The following SULT2B1 variants were observed in gnomAD, a reference collection of about 807,000 sequenced individuals.
The protein encoded by SULT2B1 is sulfotransferase 2B1.
A neutral mutation model predicts 33.2 loss-of-function variants in SULT2B1; 16 were observed. The observed-to-expected ratio is 0.48, with a 90% CI of 0.33 to 0.73. SULT2B1 has a LOEUF of 0.73. SULT2B1 is among the 30% of genes least tolerant of loss of function. The probability of loss-of-function intolerance (pLI) is 0.02; values close to 1 mark genes in which losing one functional copy is unlikely to be tolerated. For missense variants in SULT2B1, 500 were observed against 506.0 expected, an observed-to-expected ratio of 0.99 and a Z score of 0.11; for synonymous variants, 186 against 200.5, an observed-to-expected ratio of 0.93 and a Z score of 0.61.
chr19:48,563,331 C>T (rs1288552232), intron 1 of SULT2B1, among the ~76,000 whole-genome samples: 1 of 152,116 alleles, frequency 6.6e-6, no homozygotes, highest in African/African-American at 2.4e-5. Flanking sequence ...ATGAGAACGC[C>T]GGTTCCCACA....
At chr19:48,596,713 C>A in intron 5 of SULT2B1, 26 bp from the exon 6 acceptor site, 1 of 1,573,162 alleles carries the variant, frequency 6.4e-7, no homozygotes, top group East Asian at 2.3e-5. Context: ...GCCCTCCCTC[C>A]GCTGACCCCT....
intron 1 of SULT2B1, among the ~76,000 whole-genome samples, chr19:48,568,526 G>A (rs951223104): frequency 2.0e-5 from 3 of 152,154 alleles, no homozygotes; most frequent in Non-Finnish European, 2.9e-5. Flanking sequence ...CCACGGCCAA[G>A]GGTGAGTCAT....
In SULT2B1 at chr19:48,599,274, G is replaced by T. The variant is rs757113850; in HGVS notation, c.966G>T (p.Glu322Asp). Reference protein sequence around the residue: ...DPEEDGSPDPEPSPEPEPKPS... With the variant: ...DPEEDGSPDPDPSPEPEPKPS... ...AGGAGGACGGCAGCCCAGATCCTGAGCCCAGCCCTGAGCCTGAGCCCAAGC... is the reference window on the plus strand; with the variant it reads ...AGGAGGACGGCAGCCCAGATCCTGATCCCAGCCCTGAGCCTGAGCCCAAGC... The change falls in exon 7 of 7, where the codon GAG (glutamate) becomes GAT (aspartate). Residue 322 changes from glutamate to aspartate, a missense_variant. Glu to Asp is a conservative substitution (Grantham distance 45). Transcript: ENST00000201586. This position sits in a 1 kb window ranked among gnomAD's most constrained non-coding sequence, Gnocchi z 4.1. 2 of 1,610,984 alleles carry T rather than the reference G, an allele frequency of 1.2e-6. No homozygotes were observed. The highest frequency in any genetic ancestry group is 3.4e-5 in the Admixed American group (2 of 59,652).
rs144119492 is a variant in SULT2B1, at chr19:48,556,936, C to T, written c.71+4613C>T. Among the ~76,000 whole-genome samples, 663 of 148,358 alleles carry T rather than the reference C, an allele frequency of 4.5e-3. 2 individuals carry two copies. Among genetic ancestry groups the T allele is most frequent in the Middle Eastern group, 0.01 (3 of 286 alleles). On this transcript the variant is annotated intron_variant, in intron 1 of 6. Coordinates refer to ENST00000201586, the MANE Select transcript of SULT2B1 (RefSeq NM_177973.2). ...CTGTACTCCAGCCTGGGCAACAGAA[C>T]AAGACTCTGTCTCAAAAAAAAAAAA...
chr19:48,591,588 C>G (rs1306876239), intron 3 of SULT2B1, 21 bp from the exon 4 acceptor site: 1 of 1,604,234 alleles, frequency 6.2e-7, no homozygotes, highest in Non-Finnish European at 8.5e-7. Context: ...CTTCTCCCCT[C>G]TCCTCACCAT....
intron 2 of SULT2B1, among the ~76,000 whole-genome samples, chr19:48,583,111 A>G (rs1233753657): frequency 6.7e-6 from 1 of 150,112 alleles, no homozygotes; most frequent in Non-Finnish European, 1.5e-5. Flanking sequence ...AGATCACTCC[A>G]TTGCACTCCA....
rs1458357499 is a variant in SULT2B1, at chr19:48,599,021, A to C, written c.827-114A>C. On this transcript the variant is annotated intron_variant, in intron 6 of 6. Transcript: ENST00000201586. This position sits in a 1 kb window ranked among gnomAD's most constrained non-coding sequence, Gnocchi z 4.1. ...GGGTAGGGAGGACGGTGTTTCTGGC[A>C]AAGGGAACACCTCGCCAAAGGCCGG... The C allele has an allele frequency of 1.4e-6, 2 of 1,471,398 alleles. No homozygotes were observed. The highest frequency in any genetic ancestry group is 2.8e-5 in the African/African-American group (2 of 70,990). 91.1% of individuals were successfully genotyped at this position (1,471,398 alleles called of 1,614,324 possible).
chr19:48,581,472 G>GTTTTTTT lies in SULT2B1; in HGVS notation c.214+5399_214+5405dup, dbSNP rs4011541. Among the ~76,000 whole-genome samples the GTTTTTTT allele has an allele frequency of 6.2e-4, 74 of 118,890 alleles. 5 individuals carry two copies. Among genetic ancestry groups the GTTTTTTT allele is most frequent in the African/African-American group, 1.5e-3 (44 of 29,808 alleles). The allele number at this position is 118,890 out of a possible 152,430, so 78.0% of individuals were successfully genotyped here. A position where few individuals can be genotyped will look rare whatever the true frequency, so the allele number is the denominator to read the frequency against. On this transcript the variant is annotated intron_variant, in intron 2 of 6. Coordinates refer to ENST00000201586, the MANE Select transcript of SULT2B1 (RefSeq NM_177973.2). ...GTTTTCTTATCATTGAGATTTGAGA[G>GTTTTTTT]TTTTTTTTTTTTTTTTGAGACAGAG...
chr19:48,591,614 C>G lies in SULT2B1; in HGVS notation c.429C>G (p.Ile143Met), dbSNP rs141909233. Residue 143 changes from isoleucine (I) to methionine (M), a missense_variant, in exon 4 of 7, where the codon ATC (isoleucine) becomes ATG (methionine). By Grantham distance (10) the Ile-to-Met change is conservative. Coordinates refer to ENST00000201586, the MANE Select transcript of SULT2B1 (RefSeq NM_177973.2). ...TCCTCACCATCCGCACACAGGTGAT[C>G]TACATGGGCCGCAACCCCCGGGACG... is the stretch of plus-strand genomic sequence containing the variant. ...KAFFSSKAKV[I>M]YMGRNPRDVV... The G allele has an allele frequency of 6.2e-7, 1 of 1,612,106 alleles. No homozygotes were observed.
In SULT2B1 at chr19:48,599,349, C is replaced by T; in HGVS notation, c.1041C>T (p.Ser347=). ...TSLEREPRPN[S]SPSPSPGQAS... ...TGGAGCGTGAGCCCAGACCCAACTC[C>T]AGCCCCAGCCCCAGCCCCGGCCAGG... Residue 347 remains serine (S), a synonymous_variant, in exon 7 of 7, where the codon TCC becomes TCT. Transcript: ENST00000201586. The surrounding 1 kb of genome is among the most constrained non-coding windows in gnomAD (Gnocchi z 4.1). 6.4e-7 allele frequency: 1 copy of T among 1,568,004 alleles called. No homozygotes were observed. Among genetic ancestry groups the T allele is most frequent in the Non-Finnish European group, 8.7e-7 (1 of 1,154,778 alleles).
At position 48,576,359 on chromosome 19, in the gene SULT2B1, C is replaced by CTTTTCTTTCTTTTTTTTTTTTT; in HGVS notation, c.214+280_214+281insCTTTCTTTTTTTTTTTTTTTTT. ...CCTTTCCCCTTTACCCTCTACTTCT[C>CTTTTCTTTCTTTTTTTTTTTTT]TTTTTTTTTTTTTTTTTTGTAGAGA... is the stretch of plus-strand genomic sequence containing the variant. On this transcript the variant is annotated intron_variant, in intron 2 of 6. Coordinates refer to ENST00000201586, the MANE Select transcript of SULT2B1 (RefSeq NM_177973.2). Among the ~76,000 whole-genome samples, 726 of 96,632 alleles carry CTTTTCTTTCTTTTTTTTTTTTT rather than the reference C, an allele frequency of 7.5e-3. 40 individuals are homozygous for CTTTTCTTTCTTTTTTTTTTTTT. The highest frequency in any genetic ancestry group is 0.011 in the African/African-American group (260 of 23,272). The allele number at this position is 96,632 out of a possible 152,430, so 63.4% of individuals were successfully genotyped here.
chr19:48,558,683 T>TC (rs1555731236), intron 1 of SULT2B1, among the ~76,000 whole-genome samples: 9 of 87,804 alleles, frequency 1.0e-4, no homozygotes, highest in South Asian at 3.5e-4. Context: ...TCTTTTCTTT[T>TC]TTTTTTTTTT....
At chr19:48,567,675 AAAG>A (rs1973263743) in intron 1 of SULT2B1, among the ~76,000 whole-genome samples, 2 of 152,006 alleles carry the variant, frequency 1.3e-5, no homozygotes. Flanking sequence ...AGGCAGATTT[AAAG>A]AAGGCAACAG....
At chr19:48,563,250 CT>C (rs1460726129) in intron 1 of SULT2B1, among the ~76,000 whole-genome samples, 1 of 152,058 alleles carries the variant, frequency 6.6e-6, no homozygotes, top group African/African-American at 2.4e-5. Flanking sequence ...TTTACAGCTA[CT>C]ACAATGCAAA....
chr19:48,579,020 T>A (rs1434780080), intron 2 of SULT2B1, among the ~76,000 whole-genome samples: 2 of 152,100 alleles, frequency 1.3e-5, no homozygotes, highest in Non-Finnish European at 2.9e-5. Context: ...TCTGTTTCTA[T>A]GGATTTTTCT....
At chr19:48,587,484 A>G (rs1171800217) in intron 3 of SULT2B1, 47 bp downstream of exon 3, 4 of 1,586,992 alleles carry the variant, frequency 2.5e-6, no homozygotes, top group Non-Finnish European at 3.5e-6. Context: ...GCATGGGTGT[A>G]TGGGGTAATG....
intron 2 of SULT2B1, among the ~76,000 whole-genome samples, chr19:48,578,792 C>T (rs1416205766): frequency 6.6e-6 from 1 of 152,072 alleles, no homozygotes; most frequent in East Asian, 1.9e-4. Flanking sequence ...AGGAGAATTG[C>T]TTGGAACCGG....
chr19:48,579,605 C>CTTTCTTTCTTTTTTT (rs71179013), intron 2 of SULT2B1, among the ~76,000 whole-genome samples: 150 of 79,744 alleles, frequency 1.9e-3, no homozygotes, highest in Middle Eastern at 0.015. Flanking sequence ...TTCTTTCTTT[C>CTTTCTTTCTTTTTTT]TTTTTTTTTT....
intron 2 of SULT2B1, among the ~76,000 whole-genome samples, chr19:48,582,714 G>C (rs573168305): frequency 6.6e-6 from 1 of 151,892 alleles, no homozygotes; most frequent in African/African-American, 2.4e-5. Context: ...ATGGTGGTGC[G>C]CGCCTGTGGT....
Sources: gnomAD v4.1 joint callset for allele counts (sites outside exome capture counted in the v4.1 genomes callset) on GRCh38, gnomAD v4.1.1 for gene constraint, Gnocchi (gnomAD v3.1) non-coding constraint, MANE v1.5 for transcripts, NCBI Gene and HGNC (gene_info 2026-07-23, HGNC 2026-07-21) for gene names.